The following NCEH1 variants were observed in gnomAD, a reference collection of about 807,000 sequenced individuals.
NCEH1 encodes 2-acetyl MAGE hydrolase.
A neutral mutation model predicts 25.4 loss-of-function variants in NCEH1; 9 were observed. The ratio of observed to expected loss-of-function variants is 0.35; its 90% CI spans 0.21 to 0.62. The LOEUF is 0.62. NCEH1 is among the 20% of genes least tolerant of loss of function. NCEH1 has a pLI of 0.72. For synonymous variants in NCEH1, 200 were observed against 199.8 expected (o/e 1.00, Z -0.01); for missense variants, 412 against 501.1 (o/e 0.82, Z 1.70).
rs1711773413 is a variant in NCEH1, at chr3:172,673,639, G to A, written c.139-25525C>T. Among the ~76,000 whole-genome samples, 3 of 152,202 alleles carry A rather than the reference G, an allele frequency of 2.0e-5. No homozygotes were observed. In the South Asian group the frequency reaches 6.2e-4, roughly 31 times the overall value. Reference sequence around the variant, plus strand: ...TTTTTCTTTCATGAGAGACAGCAGGGATGTATTGTAGGGAACACTGAAAGG... The same window carrying A: ...TTTTTCTTTCATGAGAGACAGCAGGAATGTATTGTAGGGAACACTGAAAGG... On this transcript the variant is annotated intron_variant, in intron 1 of 4. Coordinates refer to ENST00000475381, the MANE Select transcript of NCEH1 (RefSeq NM_020792.6).
At chr3:172,656,316 A>G (rs533834279) in intron 1 of NCEH1, among the ~76,000 whole-genome samples, 1 of 152,300 alleles carries the variant, frequency 6.6e-6, no homozygotes, top group East Asian at 1.9e-4. Flanking sequence ...GTGAATTGAG[A>G]TCCTAGAGGA....
intron 3 of NCEH1, among the ~76,000 whole-genome samples, chr3:172,638,615 T>C (rs753639771): frequency 3.9e-5 from 6 of 152,082 alleles, no homozygotes; most frequent in Admixed American, 1.3e-4. Context: ...TAAAAACAAA[T>C]GTACTTCATG....
intron 1 of NCEH1, among the ~76,000 whole-genome samples, chr3:172,650,845 T>A (rs1717369236): frequency 6.8e-6 from 1 of 147,112 alleles, no homozygotes; most frequent in African/African-American, 2.5e-5. Flanking sequence ...AAGGGACAAT[T>A]TGTTTATGCA....
At chr3:172,684,035 G>A (rs983372304) in intron 1 of NCEH1, among the ~76,000 whole-genome samples, 2 of 152,156 alleles carry the variant, frequency 1.3e-5, no homozygotes, top group Non-Finnish European at 2.9e-5. Context: ...AACTTCTAAT[G>A]AATAAGATTA....
intron 1 of NCEH1, among the ~76,000 whole-genome samples, chr3:172,649,380 A>G (rs1717288964): frequency 6.6e-6 from 1 of 152,244 alleles, no homozygotes; most frequent in South Asian, 2.1e-4. Context: ...CAGCTATTTT[A>G]GGAATTCCTT....
At chr3:172,668,689 C>T (rs1167489175) in intron 1 of NCEH1, among the ~76,000 whole-genome samples, 1 of 151,800 alleles carries the variant, frequency 6.6e-6, no homozygotes, top group African/African-American at 2.4e-5. Flanking sequence ...CATTCGACTT[C>T]TCATTTTGTG....
intron 1 of NCEH1, among the ~76,000 whole-genome samples, chr3:172,655,020 CAG>C (rs2108501919): frequency 6.6e-6 from 1 of 152,316 alleles, no homozygotes; most frequent in South Asian, 2.1e-4. Flanking sequence ...AGAGAAAAGA[CAG>C]AGGCTGTCCA....
chr3:172,661,796 T>A (rs941495743), intron 1 of NCEH1, among the ~76,000 whole-genome samples: 1 of 104,796 alleles, frequency 9.5e-6, no homozygotes, highest in African/African-American at 2.9e-5. Flanking sequence ...TGTATAGGAA[T>A]GCTTGTGATT....
intron 1 of NCEH1, among the ~76,000 whole-genome samples, chr3:172,704,397 G>C (rs1364029001): frequency 6.6e-6 from 1 of 152,146 alleles, no homozygotes; most frequent in Non-Finnish European, 1.5e-5. Flanking sequence ...ATCAAGACAA[G>C]CCAGGCTCAT....
rs534508768 is a variant in NCEH1, at chr3:172,711,051, G to C, written c.-67C>G. 1.9e-6 allele frequency: 3 copies of C among 1,610,002 alleles called. No individual in the cohort carries two copies. Among genetic ancestry groups the C allele is most frequent in the Non-Finnish European group, 2.5e-6 (3 of 1,177,014 alleles). ...AGGGCGATACCACCCGGAGACCTCC[G>C]GCAACTTTCTGCCCGCGGCAGCTGC... On this transcript the variant is annotated 5_prime_UTR_variant, in exon 1 of 5. Coordinates refer to ENST00000475381, the MANE Select transcript of NCEH1 (RefSeq NM_020792.6).
intron 3 of NCEH1, among the ~76,000 whole-genome samples, chr3:172,637,961 C>A (rs1409481493): frequency 1.3e-5 from 2 of 152,012 alleles, no homozygotes; most frequent in Non-Finnish European, 2.9e-5. Flanking sequence ...GCCTGAGAAT[C>A]ACTTGAACCC....
chr3:172,649,978 T>C (rs558735263), intron 1 of NCEH1, among the ~76,000 whole-genome samples: 6 of 152,352 alleles, frequency 3.9e-5, no homozygotes, highest in African/African-American at 1.4e-4. Context: ...ATTGTCTTTA[T>C]ATGACAGATA....
At chr3:172,635,621 G>C (rs1057116015) in intron 4 of NCEH1, among the ~76,000 whole-genome samples, 2 of 152,168 alleles carry the variant, frequency 1.3e-5, no homozygotes, top group Admixed American at 1.3e-4. Flanking sequence ...AGGAGCAGGG[G>C]ATACTGGAGT....
intron 1 of NCEH1, among the ~76,000 whole-genome samples, chr3:172,669,746 A>C (rs1314695982): frequency 6.6e-6 from 1 of 152,190 alleles, no homozygotes; most frequent in Non-Finnish European, 1.5e-5. Flanking sequence ...CATCTTGGCC[A>C]GGCTAGTCTT....
At chr3:172,638,147 G>A (rs942305820) in intron 3 of NCEH1, among the ~76,000 whole-genome samples, 1 of 151,704 alleles carries the variant, frequency 6.6e-6, no homozygotes, top group Admixed American at 6.6e-5. Context: ...ATGTGGATCT[G>A]GTCATTCCGG....
rs1343112544 is a variant in NCEH1 at position 172,683,263 on chromosome 3, C to T, written c.138+27584G>A. Reference sequence around the variant, plus strand: ...CTAAAAATACAAAAAATTAGCCAGGCGTAGTGGCGGGCGCCTGTAGTCCCA... The same window carrying T: ...CTAAAAATACAAAAAATTAGCCAGGTGTAGTGGCGGGCGCCTGTAGTCCCA... On this transcript the variant is annotated intron_variant, in intron 1 of 4. Transcript: ENST00000475381. Among the ~76,000 whole-genome samples, 15 of 119,076 alleles carry T rather than the reference C, an allele frequency of 1.3e-4. 2 individuals carry two copies. The highest frequency in any genetic ancestry group is 4.8e-4 in the African/African-American group (14 of 29,106). 78.1% of individuals were successfully genotyped at this position (119,076 alleles called of 152,430 possible). A position where few individuals can be genotyped will look rare whatever the true frequency, so the allele number is the denominator to read the frequency against.
At chr3:172,680,388 A>C (rs1712278763) in intron 1 of NCEH1, among the ~76,000 whole-genome samples, 1 of 152,134 alleles carries the variant, frequency 6.6e-6, no homozygotes, top group Non-Finnish European at 1.5e-5. Flanking sequence ...CACCTCTGTG[A>C]AGCCCCCCTC....
At position 172,692,721 on chromosome 3, in the gene NCEH1, G is replaced by A. The variant is rs907073691; in HGVS notation, c.138+18126C>T. On this transcript the variant is annotated intron_variant, in intron 1 of 4. Transcript: ENST00000475381. ...ATTTCATCAAGTAATACTTACTCTT[G>A]ATGTTGGTTGTGTGCTTTCATCATC... 4.6e-5 allele frequency among the ~76,000 whole-genome samples: 7 copies of A among 152,096 alleles called. No homozygotes were observed. In the East Asian group the frequency reaches 1.3e-3, roughly 29 times the overall value.
At chr3:172,700,260 T>A (rs773561294) in intron 1 of NCEH1, among the ~76,000 whole-genome samples, 2 of 152,110 alleles carry the variant, frequency 1.3e-5, no homozygotes, top group Admixed American at 1.3e-4. Flanking sequence ...TCATACAGAT[T>A]TCCCCAAAAT....
Sources: gnomAD v4.1 joint callset for allele counts (sites outside exome capture counted in the v4.1 genomes callset) on GRCh38, gnomAD v4.1.1 for gene constraint, MANE v1.5 for transcripts, NCBI Gene and HGNC (gene_info 2026-07-23, HGNC 2026-07-21) for gene names.